Variants in DCC observed in about 807,000 individuals in gnomAD.
The protein encoded by DCC is netrin receptor DCC.
Under a neutral mutation model 172.5 loss-of-function variants are expected in DCC, and 58 were observed. That is an observed-to-expected ratio of 0.34 (90% CI 0.27 to 0.42). The LOEUF (loss-of-function observed/expected upper bound fraction) is 0.42, where lower values mean the gene tolerates loss of function less well. DCC is among the 10% of genes least tolerant of loss of function. The pLI, the probability that DCC is intolerant of heterozygous loss-of-function variation, is 1.00. For synonymous variants in DCC, 709 were observed against 644.5 expected (o/e 1.10, Z -1.52); for missense variants, 1,740 against 1,791.0 (o/e 0.97, Z 0.51).
At chr18:53,529,647 C>G (rs1243702025) in intron 28 of DCC, among the ~76,000 whole-genome samples, 2 of 152,140 alleles carry the variant, frequency 1.3e-5, no homozygotes, top group Non-Finnish European at 2.9e-5. Context: ...TATAAAAGGA[C>G]TGGGATTCAA....
chr18:53,169,619 C>T (rs1285341781), intron 8 of DCC, among the ~76,000 whole-genome samples: 1 of 152,150 alleles, frequency 6.6e-6, no homozygotes, highest in African/African-American at 2.4e-5. Context: ...CAGATCATGA[C>T]TCTGAGTTCT....
At chr18:52,927,456 G>C (rs892025598) in intron 5 of DCC, among the ~76,000 whole-genome samples, 1 of 151,670 alleles carries the variant, frequency 6.6e-6, no homozygotes, top group Non-Finnish European at 1.5e-5. Context: ...AATACTTTTG[G>C]TATCTTGGCA....
intron 1 of DCC, among the ~76,000 whole-genome samples, chr18:52,706,798 C>A (rs2036218933): frequency 6.6e-6 from 1 of 152,136 alleles, no homozygotes; most frequent in Non-Finnish European, 1.5e-5. Flanking sequence ...ACTACTTCAC[C>A]CACTGTAAAC....
intron 1 of DCC, among the ~76,000 whole-genome samples, chr18:52,596,195 C>A (rs2033907032): frequency 1.3e-5 from 2 of 152,146 alleles, no homozygotes; most frequent in African/African-American, 2.4e-5. Flanking sequence ...CCTTTCAGGG[C>A]AGCCTTCTAC....
chr18:52,646,118 T>C (rs2144913173), intron 1 of DCC, among the ~76,000 whole-genome samples: 1 of 152,318 alleles, frequency 6.6e-6, no homozygotes, highest in African/African-American at 2.4e-5. Flanking sequence ...GTCTGGCCTT[T>C]GGTGAGTTGC....
intron 1 of DCC, among the ~76,000 whole-genome samples, chr18:52,513,902 G>A (rs1220291423): frequency 6.6e-6 from 1 of 152,284 alleles, no homozygotes; most frequent in East Asian, 1.9e-4. Context: ...TAACCTAAAA[G>A]CCACAATTCC....
At chr18:53,397,532 T>C in intron 18 of DCC, 86 bp downstream of exon 18, 1 of 1,398,552 alleles carries the variant, frequency 7.2e-7, no homozygotes, top group South Asian at 1.2e-5. Context: ...CCCTATGGTG[T>C]CTCAATTATA....
chr18:52,990,575 C>T (rs1416189206), intron 5 of DCC, among the ~76,000 whole-genome samples: 4 of 142,292 alleles, frequency 2.8e-5, no homozygotes, highest in Non-Finnish European at 4.6e-5. Flanking sequence ...AAGCAAAGCT[C>T]CTTTTTTGCC....
intron 2 of DCC, among the ~76,000 whole-genome samples, chr18:52,781,236 A>C (rs2037536276): frequency 6.6e-6 from 1 of 152,100 alleles, no homozygotes; most frequent in African/African-American, 2.4e-5. Flanking sequence ...CAACCCCTGC[A>C]ACTTCCTTGC....
In DCC at chr18:52,349,307, T is replaced by C. The variant is rs144551147; in HGVS notation, c.91+8429T>C. Among the ~76,000 whole-genome samples the C allele has an allele frequency of 7.7e-3, 1,166 of 152,320 alleles. 7 individuals carry two copies. Among genetic ancestry groups the C allele is most frequent in the Non-Finnish European group, 0.012 (825 of 68,018 alleles). The stretch of plus-strand genomic sequence containing the variant: ...GAGGCCTCTGTAGTGTGTTGCCTTC[T>C]GTGCAGACTCATTAGAGATGTGAGC... On this transcript the variant is annotated intron_variant, in intron 1 of 28. Transcript: ENST00000442544.
At chr18:53,321,107 CAAATATGT>C (rs2057406598) in intron 13 of DCC, among the ~76,000 whole-genome samples, 1 of 152,168 alleles carries the variant, frequency 6.6e-6, no homozygotes. Context: ...AAAAAATCTT[CAAATATGT>C]AATTTTGTAC....
intron 7 of DCC, among the ~76,000 whole-genome samples, chr18:53,071,676 C>G (rs775849374): frequency 3.3e-4 from 50 of 152,142 alleles, no homozygotes; most frequent in Non-Finnish European, 6.5e-4. Flanking sequence ...GTTTATTAAT[C>G]TCTCCTTAGA....
intron 1 of DCC, among the ~76,000 whole-genome samples, chr18:52,471,226 T>C (rs1988936268): frequency 6.6e-6 from 1 of 152,152 alleles, no homozygotes; most frequent in Non-Finnish European, 1.5e-5. Context: ...TATGCACACC[T>C]GTAGTCTCAG....
chr18:53,354,432 C>A (rs1477269729), intron 15 of DCC, among the ~76,000 whole-genome samples: 1 of 152,092 alleles, frequency 6.6e-6, no homozygotes. Flanking sequence ...CTGTTGTTTC[C>A]TGACTTTTTA....
At chr18:52,937,685 A>G (rs1050671278) in intron 5 of DCC, among the ~76,000 whole-genome samples, 1 of 151,990 alleles carries the variant, frequency 6.6e-6, no homozygotes, top group Non-Finnish European at 1.5e-5. Flanking sequence ...TTGAGGTCTC[A>G]CTATATTGCC....
At chr18:52,772,330 T>C (rs1306935894) in intron 2 of DCC, among the ~76,000 whole-genome samples, 1 of 152,300 alleles carries the variant, frequency 6.6e-6, no homozygotes, top group East Asian at 1.9e-4. Context: ...GGTTTGTAAG[T>C]GTGTATTGTG....
intron 22 of DCC, among the ~76,000 whole-genome samples, chr18:53,449,890 C>A (rs2045385783): frequency 6.6e-6 from 1 of 152,046 alleles, no homozygotes; most frequent in Admixed American, 6.6e-5. Flanking sequence ...TATCTGTTAG[C>A]TATCCCTCCC....
At chr18:53,097,648 T>A (rs187980636) in intron 7 of DCC, among the ~76,000 whole-genome samples, 8 of 152,166 alleles carry the variant, frequency 5.3e-5, no homozygotes, top group Non-Finnish European at 1.0e-4. Flanking sequence ...TAGCATGGAC[T>A]GGGTAACTTT....
intron 7 of DCC, among the ~76,000 whole-genome samples, chr18:53,081,078 T>C (rs1051980035): frequency 6.6e-6 from 1 of 152,090 alleles, no homozygotes; most frequent in Non-Finnish European, 1.5e-5. Context: ...ATTTGATTAA[T>C]CCTTAAATAT....
Sources: gnomAD v4.1 joint callset for allele counts (sites outside exome capture counted in the v4.1 genomes callset) on GRCh38, gnomAD v4.1.1 for gene constraint, MANE v1.5 for transcripts, NCBI Gene and HGNC (gene_info 2026-07-23, HGNC 2026-07-21) for gene names.